UQCRC1: variants seen among roughly 807,000 people sequenced by gnomAD.
UQCRC1 encodes cytochrome b-c1 complex subunit 1, mitochondrial.
Under a neutral mutation model 58.0 loss-of-function variants are expected in UQCRC1, and 34 were observed. The observed-to-expected ratio is 0.59, with a 90% CI of 0.45 to 0.78. UQCRC1 has a LOEUF of 0.78. UQCRC1 is among the 30% of genes least tolerant of loss of function. UQCRC1 has a pLI of 0.00. For synonymous variants in UQCRC1, 276 were observed against 248.8 expected (o/e 1.11, Z -1.03); for missense variants, 610 against 646.0 (o/e 0.94, Z 0.60).
chr3:48,604,595 G>A, intron 4 of UQCRC1, 56 bp downstream of exon 4: 1 of 1,610,558 alleles, frequency 6.2e-7, no homozygotes, highest in South Asian at 1.1e-5. Context: ...GGGGCTCCTA[G>A]GTAGCTGTCC....
At chr3:48,607,229 G>C (rs1377929941) in intron 2 of UQCRC1, among the ~76,000 whole-genome samples, 1 of 152,126 alleles carries the variant, frequency 6.6e-6, no homozygotes, top group African/African-American at 2.4e-5. Context: ...TTTTAGTAGA[G>C]ACGGGGTTTC....
rs577897981 is a variant in UQCRC1 at position 48,609,033 on chromosome 3, G to A, written c.210+129C>T. The A allele has an allele frequency of 3.2e-5, 41 of 1,288,290 alleles. No individual in the cohort carries two copies. The South Asian group carries it at 4.9e-4, about 15-fold the overall frequency. 79.8% of individuals were successfully genotyped at this position (1,288,290 alleles called of 1,614,324 possible). A position where few individuals can be genotyped will look rare whatever the true frequency, so the allele number is the denominator to read the frequency against. On this transcript the variant is annotated intron_variant, in intron 2 of 12. Coordinates refer to ENST00000203407, the MANE Select transcript of UQCRC1 (RefSeq NM_003365.3). ...AGGGTAGGGAATGGGGCCATTCTCG[G>A]GGTGAGTGGTCCTGGGTCCGAACCC... is the stretch of plus-strand genomic sequence containing the variant.
intron 6 of UQCRC1, among the ~76,000 whole-genome samples, chr3:48,602,667 C>A (rs992010354): frequency 1.3e-5 from 2 of 151,868 alleles, no homozygotes; most frequent in Non-Finnish European, 2.9e-5. Flanking sequence ...GGATTATAGG[C>A]AACTGCCACC....
chr3:48,602,399 C>T (rs141770893), intron 6 of UQCRC1, among the ~76,000 whole-genome samples: 1 of 152,132 alleles, frequency 6.6e-6, no homozygotes, highest in East Asian at 1.9e-4. Flanking sequence ...CCCTGCTAGT[C>T]TGACACACAC....
At chr3:48,609,111 G>C in intron 2 of UQCRC1, 51 bp downstream of exon 2, 6 of 1,564,370 alleles carry the variant, frequency 3.8e-6, no homozygotes, top group Non-Finnish European at 5.2e-6. Context: ...CCAGGGAAAA[G>C]ACGGCAGGCC....
chr3:48,604,206 C>A (rs781346476), intron 5 of UQCRC1, 27 bp downstream of exon 5: 1 of 1,609,164 alleles, frequency 6.2e-7, no homozygotes, highest in South Asian at 1.1e-5. Flanking sequence ...GAGCAAGCAT[C>A]CCCCCACAAG....
chr3:48,600,552 G>A lies in UQCRC1; in HGVS notation c.1143C>T (p.Thr381=). The change falls in exon 10 of 13, where the codon ACC becomes ACT. Residue 381 remains threonine, a synonymous_variant. Coordinates refer to ENST00000203407, the MANE Select transcript of UQCRC1 (RefSeq NM_003365.3). ...VLQGQWMRLC[T]SATESEVARG... The stretch of plus-strand genomic sequence containing the variant: ...GGGCCACCTCACTCTCCGTGGCACT[G>A]GTACACAGGCGCATCCTAAAGTGGG... 1 of 1,614,118 alleles carries A rather than the reference G, an allele frequency of 6.2e-7. No individual in the cohort carries two copies. The highest frequency in any genetic ancestry group is 1.1e-5 in the South Asian group (1 of 91,072).
rs371963761 is a variant in UQCRC1, at chr3:48,604,436, A to T, written c.428-5T>A. ...TGTCACCCAGGAGCTCCACAGCTAG[A>T]TGCAAGGAGGACATGTTTAGGTGCC... On this transcript the variant is annotated splice_polypyrimidine_tract_variant and splice_region_variant and intron_variant, in intron 4 of 12. Transcript: ENST00000203407. 14 of 1,613,474 alleles carry T rather than the reference A, an allele frequency of 8.7e-6. No individual in the cohort carries two copies. In the African/African-American group the frequency reaches 1.7e-4, roughly 20 times the overall value.
Position 48,604,489 on chromosome 3 carries a change from C to T in UQCRC1, c.428-58G>A. ...GTGGACCACTGCAGACCAACGACAG[C>T]ACAAAATCCCCAGGCCTGGCATCTC... On this transcript the variant is annotated intron_variant, in intron 4 of 12. Transcript: ENST00000203407. 10 of 1,597,638 alleles carry T rather than the reference C, an allele frequency of 6.3e-6. No individual in the cohort carries two copies. In the South Asian group the frequency reaches 8.9e-5, roughly 14 times the overall value.
chr3:48,603,668 C>G (rs1221954448), intron 5 of UQCRC1, 25 bp from the exon 6 acceptor site: 1 of 1,607,314 alleles, frequency 6.2e-7, no homozygotes, highest in South Asian at 1.1e-5. Context: ...GTCAGTGTGT[C>G]AACACCTCTA....
chr3:48,599,304 T>G, intron 12 of UQCRC1, 112 bp from the exon 13 acceptor site: 1 of 1,253,192 alleles, frequency 8.0e-7, no homozygotes, highest in African/African-American at 1.5e-5. Context: ...AAGACAGGCT[T>G]TGAGTGGAAA....
chr3:48,602,191 T>C (rs1427666348), intron 6 of UQCRC1, among the ~76,000 whole-genome samples: 7 of 151,948 alleles, frequency 4.6e-5, no homozygotes, highest in South Asian at 2.1e-4. Flanking sequence ...GCTGGGACTA[T>C]AGGCGCCCGC....
At chr3:48,599,557 C>G (rs144981194) in intron 12 of UQCRC1, 78 bp downstream of exon 12, 4 of 1,502,248 alleles carry the variant, frequency 2.7e-6, no homozygotes, top group Non-Finnish European at 3.7e-6. Flanking sequence ...AGCAGCAGTG[C>G]GGGAGCAGAG....
intron 10 of UQCRC1, 114 bp downstream of exon 10, chr3:48,600,368 G>T: frequency 7.5e-7 from 1 of 1,325,640 alleles, no homozygotes; most frequent in Non-Finnish European, 1.1e-6. Flanking sequence ...ATGGGGCATG[G>T]CGTGGTCTTC....
In UQCRC1 at chr3:48,599,744, G is replaced by T. The variant is rs757216913; in HGVS notation, c.1303-34C>A. 23 of 1,607,370 alleles carry T rather than the reference G, an allele frequency of 1.4e-5. No individual in the cohort carries two copies. In the South Asian group the frequency reaches 2.3e-4, roughly 16 times the overall value. On this transcript the variant is annotated intron_variant, in intron 11 of 12. Transcript: ENST00000203407. ...TGAGGCAGAGGGCATACTGGCTAAC[G>T]GGCACCTGGCCACCACCTCAGCCAG...
chr3:48,602,216 A>T (rs1159005302), intron 6 of UQCRC1, among the ~76,000 whole-genome samples: 4 of 151,928 alleles, frequency 2.6e-5, no homozygotes, highest in African/African-American at 9.7e-5. Flanking sequence ...ACGCCTGGCT[A>T]ATTTTTTTGT....
intron 10 of UQCRC1, 81 bp downstream of exon 10, chr3:48,600,401 G>T (rs1294457009): frequency 6.4e-7 from 1 of 1,551,170 alleles, no homozygotes; most frequent in African/African-American, 1.4e-5. Flanking sequence ...TCTAACCTTG[G>T]TTAGTTAGGA....
intron 12 of UQCRC1, 75 bp downstream of exon 12, chr3:48,599,560 G>A: frequency 1.4e-5 from 21 of 1,520,312 alleles, no homozygotes; most frequent in Non-Finnish European, 1.9e-5. Context: ...AGCAGTGCGG[G>A]AGCAGAGGTG....
intron 12 of UQCRC1, 83 bp downstream of exon 12, chr3:48,599,552 C>A: frequency 6.8e-7 from 1 of 1,462,264 alleles, no homozygotes. Context: ...AGCTGAGCAG[C>A]AGTGCGGGAG....
Sources: allele counts gnomAD v4.1 joint callset (sites outside exome capture counted in the v4.1 genomes callset), GRCh38; gene constraint gnomAD v4.1.1; transcripts MANE v1.5; gene names NCBI Gene and HGNC (gene_info 2026-07-23, HGNC 2026-07-21).